COL5A1: variants seen among roughly 807,000 people sequenced by gnomAD.
COL5A1 encodes the protein collagen alpha-1(V) chain.
A neutral mutation model predicts 263.7 loss-of-function variants in COL5A1; 16 were observed. That is an observed-to-expected ratio of 0.06 (90% confidence interval 0.04 to 0.09). The LOEUF (loss-of-function observed/expected upper bound fraction) is 0.09, where lower values mean the gene tolerates loss of function less well. COL5A1 is among the 10% of genes least tolerant of loss of function. COL5A1 has a pLI of 1.00. For missense variants in COL5A1, 2,036 were observed against 2,540.5 expected (o/e 0.80, Z 4.27); for synonymous variants, 1,012 against 1,004.5 (o/e 1.01, Z -0.14).
intron 64 of COL5A1, among the ~76,000 whole-genome samples, chr9:134,831,546 G>GA (rs1839628415): frequency 6.6e-6 from 1 of 152,220 alleles, no homozygotes; most frequent in Non-Finnish European, 1.5e-5. Flanking sequence ...GAGCGTAGGG[G>GA]ATGCTGATGT....
At chr9:134,731,783 C>T in intron 8 of COL5A1, 120 bp downstream of exon 8, 1 of 1,145,564 alleles carries the variant, frequency 8.7e-7, no homozygotes, top group Non-Finnish European at 1.2e-6. Flanking sequence ...GTGTTACACC[C>T]TATTCCCAAA....
At chr9:134,724,262 AAGG>A (rs1390341225) in intron 4 of COL5A1, among the ~76,000 whole-genome samples, 1 of 152,168 alleles carries the variant, frequency 6.6e-6, no homozygotes, top group African/African-American at 2.4e-5. Flanking sequence ...TTCTGCATAC[AAGG>A]AGTTTTGCCT....
At chr9:134,768,816 G>A (rs1458751018) in intron 25 of COL5A1, among the ~76,000 whole-genome samples, 1 of 152,244 alleles carries the variant, frequency 6.6e-6, no homozygotes, top group Non-Finnish European at 1.5e-5. Context: ...AAGCGAAGAG[G>A]CAGGGTACGT....
rs139690995 is a variant in COL5A1, at chr9:134,680,780, C to T, written c.110-10132C>T. Among the ~76,000 whole-genome samples the T allele has an allele frequency of 1.1e-3, 161 of 152,260 alleles. No individual in the cohort carries two copies. The highest frequency in any genetic ancestry group is 3.2e-3 in the African/African-American group (134 of 41,528). On this transcript the variant is annotated intron_variant, in intron 1 of 65. Transcript: ENST00000371817. The surrounding 1 kb of genome is among the most constrained non-coding windows in gnomAD (Gnocchi z 5.9). ...GGAAAATTCCACAGGGGCAGAAGGA[C>T]GGGTGAGGGCCGGGACTTTGACATC...
intron 1 of COL5A1, among the ~76,000 whole-genome samples, chr9:134,689,146 C>T (rs529587240): frequency 1.8e-4 from 27 of 152,290 alleles, no homozygotes; most frequent in Admixed American, 1.6e-3. Flanking sequence ...AGTGACACTG[C>T]GCCATTGTCT....
At chr9:134,683,030 C>T (rs924133956) in intron 1 of COL5A1, among the ~76,000 whole-genome samples, 27 of 152,338 alleles carry the variant, frequency 1.8e-4, no homozygotes, top group South Asian at 8.3e-4. Flanking sequence ...GCCTCAGACC[C>T]GGCTTCCTTC....
At chr9:134,803,078 T>A in intron 39 of COL5A1, 83 bp downstream of exon 39, 3 of 1,094,266 alleles carry the variant, frequency 2.7e-6, no homozygotes, top group South Asian at 1.3e-5. Flanking sequence ...TGCCCTTTTC[T>A]GATGAATGGG....
chr9:134,732,427 A>G, intron 9 of COL5A1: 1 of 558,914 alleles, frequency 1.8e-6, no homozygotes, highest in South Asian at 2.0e-5. Context: ...CTGGGATGAA[A>G]AGCAGCTCAG....
chr9:134,830,194 C>T (rs1839548486), intron 64 of COL5A1, 150 bp downstream of exon 64: 7 of 1,601,930 alleles, frequency 4.4e-6, no homozygotes, highest in African/African-American at 1.3e-5. Flanking sequence ...GCCACCTCGG[C>T]CCGGCCACCT....
chr9:134,691,204 C>G (rs548944898), intron 2 of COL5A1, 125 bp downstream of exon 2: 1 of 1,249,414 alleles, frequency 8.0e-7, no homozygotes, highest in Non-Finnish European at 1.1e-6. Context: ...GCCCCTCTCA[C>G]GAGCCCGGCT....
intron 11 of COL5A1, among the ~76,000 whole-genome samples, chr9:134,746,069 A>C (rs924448809): frequency 1.3e-5 from 2 of 152,190 alleles, no homozygotes; most frequent in Non-Finnish European, 2.9e-5. Flanking sequence ...GTAAGGGCAC[A>C]GTCACGTGTT....
In COL5A1 at chr9:134,700,867, C is replaced by T. The variant is rs542672381; in HGVS notation, c.492-304C>T. 1.3e-5 allele frequency among the ~76,000 whole-genome samples: 2 copies of T among 152,258 alleles called. No homozygotes were observed. The highest frequency in any genetic ancestry group is 6.5e-5 in the Admixed American group (1 of 15,306). On this transcript the variant is annotated intron_variant, in intron 3 of 65. Transcript: ENST00000371817. The surrounding 1 kb of genome is among the most constrained non-coding windows in gnomAD (Gnocchi z 4.0). The stretch of plus-strand genomic sequence containing the variant: ...TCCCAGGGACCACACTCCTGGGTCC[C>T]GAGCCAGTGCCGAGTGCTGTGTGCT...
At chr9:134,778,534 C>T (rs1243591055) in intron 27 of COL5A1, among the ~76,000 whole-genome samples, 1 of 152,220 alleles carries the variant, frequency 6.6e-6, no homozygotes, top group Non-Finnish European at 1.5e-5. Flanking sequence ...TGGAGTCGGC[C>T]TCCCTGCTTG....
chr9:134,753,727 G>C, intron 14 of COL5A1, 123 bp from the exon 15 acceptor site: 1 of 740,702 alleles, frequency 1.4e-6, no homozygotes, highest in East Asian at 2.6e-5. Context: ...CGCGCTTTGT[G>C]TGCTGAGCAC....
intron 27 of COL5A1, among the ~76,000 whole-genome samples, chr9:134,776,905 C>T (rs1013107663): frequency 1.1e-4 from 16 of 152,160 alleles, no homozygotes; most frequent in Non-Finnish European, 1.8e-4. Flanking sequence ...AGAGGGGGGA[C>T]GAGCACCCTG....
chr9:134,701,454 C>T (rs1270935944), intron 4 of COL5A1, 121 bp downstream of exon 4: 28 of 980,384 alleles, frequency 2.9e-5, no homozygotes, highest in East Asian at 5.2e-5. Context: ...CTGTGGTCAC[C>T]GTCTCTGTTG....
rs1328084383 is a variant in COL5A1 at position 134,682,200 on chromosome 9, G to A, written c.110-8712G>A. Among the ~76,000 whole-genome samples, 1 of 152,200 alleles carries A rather than the reference G, an allele frequency of 6.6e-6. No individual in the cohort carries two copies. Among genetic ancestry groups the A allele is most frequent in the African/African-American group, 2.4e-5 (1 of 41,456 alleles). On this transcript the variant is annotated intron_variant, in intron 1 of 65. Transcript: ENST00000371817. This position sits in a 1 kb window ranked among gnomAD's most constrained non-coding sequence, Gnocchi z 5.1. The stretch of plus-strand genomic sequence containing the variant: ...GAAATGCTGCCCTGTTCGGGCTGGG[G>A]GCTGGACTGGGTGTCCCCAGAGCCG...
chr9:134,814,731 G>A, intron 49 of COL5A1, 66 bp from the exon 50 acceptor site: 1 of 1,218,652 alleles, frequency 8.2e-7, no homozygotes, highest in Non-Finnish European at 1.2e-6. Flanking sequence ...AACCGGGGAG[G>A]CCCACCTTGC....
At chr9:134,788,715 GA>G (rs1478008230) in intron 31 of COL5A1, among the ~76,000 whole-genome samples, 1 of 145,676 alleles carries the variant, frequency 6.9e-6, no homozygotes, top group Non-Finnish European at 1.5e-5. Context: ...ACAGGTGTAT[GA>G]ATGGGTAGGT....
Sources: allele counts gnomAD v4.1 joint callset (sites outside exome capture counted in the v4.1 genomes callset), GRCh38; gene constraint gnomAD v4.1.1; non-coding constraint Gnocchi (gnomAD v3.1); transcripts MANE v1.5; gene names NCBI Gene and HGNC (gene_info 2026-07-23, HGNC 2026-07-21).